HS6ST2: variants seen among roughly 807,000 people sequenced by gnomAD.
HS6ST2 encodes heparan sulfate 6-O-sulfotransferase 2, also known as heparan-sulfate 6-O-sulfotransferase 2.
HS6ST2 carries 17 observed loss-of-function variants against 33.0 expected under a neutral mutation model. The observed-to-expected ratio is 0.52, with a 90% CI of 0.35 to 0.77. The LOEUF is 0.77. Ranked by LOEUF, HS6ST2 falls within the 30% of genes least tolerant of loss-of-function variation. HS6ST2 has a pLI of 0.01. For synonymous variants in HS6ST2, 248 were observed against 237.1 expected, an observed-to-expected ratio of 1.05 and a Z score of -0.42; for missense variants, 519 against 551.7, an observed-to-expected ratio of 0.94 and a Z score of 0.59.
At chrX:132,722,005 G>A (rs1243542285) in intron 2 of HS6ST2, among the ~76,000 whole-genome samples, 1 of 109,097 alleles carries the variant, frequency 9.2e-6, no homozygotes, top group Non-Finnish European at 1.9e-5. Context: ...TGGCTAACAC[G>A]GTGAAACCCC....
chrX:132,947,813 C>G (rs1298169295), intron 2 of HS6ST2, among the ~76,000 whole-genome samples: 3 of 111,527 alleles, frequency 2.7e-5, no homozygotes, highest in Non-Finnish European at 5.7e-5. Flanking sequence ...AAAAGTATTT[C>G]TGGGTTGTAT....
chrX:132,693,219 T>C (rs777092551), intron 3 of HS6ST2, among the ~76,000 whole-genome samples: 1 of 111,979 alleles, frequency 8.9e-6, no homozygotes, highest in East Asian at 2.8e-4. Context: ...TTTCAGGAGA[T>C]AGAGGGCTTG....
intron 2 of HS6ST2, among the ~76,000 whole-genome samples, chrX:132,918,522 G>T (rs1296092743): frequency 8.9e-6 from 1 of 111,853 alleles, no homozygotes; most frequent in Non-Finnish European, 1.9e-5. Flanking sequence ...TTTTAAACTG[G>T]ACACTAGCAG....
chrX:132,742,848 G>A (rs778935048), intron 2 of HS6ST2, among the ~76,000 whole-genome samples: 1 of 112,378 alleles, frequency 8.9e-6, no homozygotes, highest in African/African-American at 3.2e-5. Context: ...GGATTTAGGA[G>A]TTCAGGGTAA....
intron 3 of HS6ST2, among the ~76,000 whole-genome samples, chrX:132,682,304 C>T (rs2063977544): frequency 8.9e-6 from 1 of 112,384 alleles, no homozygotes; most frequent in South Asian, 3.7e-4. Flanking sequence ...CTGTGAAAGG[C>T]TAGAACCTTC....
At chrX:132,642,748 G>A (rs768248978) in intron 4 of HS6ST2, among the ~76,000 whole-genome samples, 2 of 112,186 alleles carry the variant, frequency 1.8e-5, no homozygotes, top group African/African-American at 6.5e-5. Flanking sequence ...TGTCACACTG[G>A]GGCAAGTACA....
At chrX:132,674,122 G>GTTCA (rs1464974698) in intron 3 of HS6ST2, among the ~76,000 whole-genome samples, 3 of 111,651 alleles carry the variant, frequency 2.7e-5, no homozygotes, top group African/African-American at 9.8e-5. Context: ...GGCAAAGATA[G>GTTCA]TTCAGTTCAT....
At chrX:132,937,800 T>C (rs1028490377) in intron 2 of HS6ST2, among the ~76,000 whole-genome samples, 2 of 110,915 alleles carry the variant, frequency 1.8e-5, no homozygotes, top group Non-Finnish European at 3.8e-5. Flanking sequence ...CATGACTAAG[T>C]AGGATTTGTC....
Position 132,883,456 on chromosome X carries a change from G to C in HS6ST2, c.947+73352C>G, listed in dbSNP as rs1265422467. On this transcript the variant is annotated intron_variant, in intron 2 of 4. Transcript: ENST00000370833. ...TTCTCTGATGGTAGTTTGTATTTCT[G>C]TGGAATCGGTGGTGATATCTCCTTT... Among the ~76,000 whole-genome samples, 19 of 111,137 alleles carry C rather than the reference G, an allele frequency of 1.7e-4. No individual in the cohort carries two copies. In the Admixed American group the frequency reaches 1.8e-3, roughly 11 times the overall value.
At chrX:132,909,887 G>GCAAGC (rs889609027) in intron 2 of HS6ST2, among the ~76,000 whole-genome samples, 1 of 110,974 alleles carries the variant, frequency 9.0e-6, no homozygotes, top group Non-Finnish European at 1.9e-5. Flanking sequence ...CTGTCCTGTA[G>GCAAGC]CAAGGTCCTT....
intron 2 of HS6ST2, among the ~76,000 whole-genome samples, chrX:132,875,473 T>C (rs918239494): frequency 9.1e-6 from 1 of 110,208 alleles, no homozygotes. Context: ...TAGCGGGCCT[T>C]TGTGAAAAAA....
chrX:132,778,905 T>A (rs1308961091), intron 2 of HS6ST2, among the ~76,000 whole-genome samples: 1 of 112,203 alleles, frequency 8.9e-6, no homozygotes, highest in African/African-American at 3.2e-5. Context: ...ATCAGCACTA[T>A]GTTTCTTTTT....
intron 2 of HS6ST2, among the ~76,000 whole-genome samples, chrX:132,809,067 C>T (rs1433930722): frequency 2.7e-4 from 30 of 111,994 alleles, no homozygotes; most frequent in African/African-American, 9.7e-4. Context: ...TGGCTCACTG[C>T]AACCTCCACC....
chrX:132,838,907 T>G (rs2065673445), intron 2 of HS6ST2, among the ~76,000 whole-genome samples: 1 of 107,220 alleles, frequency 9.3e-6, no homozygotes, highest in African/African-American at 3.4e-5. Context: ...GAAATGCAAA[T>G]TAAAACCACA....
intron 2 of HS6ST2, among the ~76,000 whole-genome samples, chrX:132,781,620 AACTGACTCACAGTTCC>A (rs2065017218): frequency 9.0e-6 from 1 of 111,576 alleles, no homozygotes. Flanking sequence ...AAAGAGGTTT[AACTGACTCACAGTTCC>A]ACATGGCTGG....
At chrX:132,707,488 G>A (rs185595198) in intron 3 of HS6ST2, among the ~76,000 whole-genome samples, 84 of 112,289 alleles carry the variant, frequency 7.5e-4, no homozygotes, top group African/African-American at 2.6e-3. Flanking sequence ...AGCTAAACTG[G>A]GCATCCCCAA....
At chrX:132,862,302 C>T (rs2065920342) in intron 2 of HS6ST2, among the ~76,000 whole-genome samples, 2 of 111,597 alleles carry the variant, frequency 1.8e-5, no homozygotes, top group South Asian at 3.7e-4. Flanking sequence ...GTATAATTAT[C>T]AGTTTTATTT....
intron 2 of HS6ST2, among the ~76,000 whole-genome samples, chrX:132,829,491 A>G (rs940628026): frequency 9.1e-6 from 1 of 109,335 alleles, no homozygotes; most frequent in Non-Finnish European, 1.9e-5. Flanking sequence ...AAGCCTATGC[A>G]CTGAAGGCTT....
chrX:132,850,849 T>G (rs2065795184), intron 2 of HS6ST2, among the ~76,000 whole-genome samples: 1 of 111,610 alleles, frequency 9.0e-6, no homozygotes, highest in African/African-American at 3.3e-5. Flanking sequence ...CCTGGTTTGA[T>G]TTTATGTGCA....
Sources: gnomAD v4.1 joint callset for allele counts (sites outside exome capture counted in the v4.1 genomes callset) on GRCh38, gnomAD v4.1.1 for gene constraint, MANE v1.5 for transcripts, NCBI Gene and HGNC (gene_info 2026-07-23, HGNC 2026-07-21) for gene names.